The following DISC1 variants were observed in gnomAD, a reference collection of about 807,000 sequenced individuals.
DISC1 encodes the protein DISC1 scaffold protein, also known as disrupted in schizophrenia 1 protein.
A neutral mutation model predicts 84.5 loss-of-function variants in DISC1; 57 were observed. The ratio of observed to expected loss-of-function variants is 0.67; its 90% CI spans 0.55 to 0.84. The LOEUF (loss-of-function observed/expected upper bound fraction) is 0.84. Ranked by LOEUF, DISC1 falls within the 40% of genes least tolerant of loss-of-function variation. The pLI is 0.00. For missense variants in DISC1, 1,000 were observed against 1,057.8 expected (o/e 0.95, Z 0.76); for synonymous variants, 411 against 415.2 (o/e 0.99, Z 0.12).
intron 10 of DISC1, among the ~76,000 whole-genome samples, chr1:232,000,151 G>A (rs1272724475): frequency 6.6e-6 from 1 of 152,170 alleles, no homozygotes; most frequent in East Asian, 1.9e-4. Flanking sequence ...TGAATCAGAT[G>A]TTGGAATTAT....
intron 3 of DISC1, among the ~76,000 whole-genome samples, chr1:231,729,803 A>G (rs2071275392): frequency 6.6e-6 from 1 of 151,296 alleles, no homozygotes; most frequent in South Asian, 2.1e-4. Context: ...TTAGCCAGAG[A>G]CCAATTTTGT....
intron 1 of DISC1, among the ~76,000 whole-genome samples, chr1:231,673,231 T>C (rs200465246): frequency 6.6e-6 from 1 of 152,242 alleles, no homozygotes; most frequent in African/African-American, 2.4e-5. Context: ...CTCCAACATA[T>C]CTTCCACTCC....
intron 8 of DISC1, among the ~76,000 whole-genome samples, chr1:231,812,103 T>C (rs2080361106): frequency 6.6e-6 from 1 of 152,166 alleles, no homozygotes; most frequent in East Asian, 1.9e-4. Flanking sequence ...TTGCTCAGGC[T>C]ACAGTGCAGT....
intron 2 of DISC1, among the ~76,000 whole-genome samples, chr1:231,695,044 G>T (rs1292716097): frequency 1.3e-5 from 2 of 152,186 alleles, no homozygotes; most frequent in Admixed American, 1.3e-4. Flanking sequence ...CTCTCCATTG[G>T]GCCGCAGGCT....
At chr1:231,802,390 C>G (rs533600203) in intron 8 of DISC1, among the ~76,000 whole-genome samples, 4 of 152,098 alleles carry the variant, frequency 2.6e-5, no homozygotes, top group African/African-American at 9.7e-5. Flanking sequence ...CTTGCTTTCC[C>G]CTTGCCTTCC....
chr1:231,646,733 C>T (rs558560946), intron 1 of DISC1, among the ~76,000 whole-genome samples: 15 of 152,298 alleles, frequency 9.8e-5, no homozygotes, highest in African/African-American at 3.6e-4. Context: ...TGTTTCCTGA[C>T]TTTTTAATGA....
At chr1:231,953,769 C>T (rs926343458) in intron 9 of DISC1, among the ~76,000 whole-genome samples, 2 of 152,136 alleles carry the variant, frequency 1.3e-5, no homozygotes, top group Non-Finnish European at 2.9e-5. Flanking sequence ...CAAACTTTGC[C>T]ATTAATGCTA....
intron 11 of DISC1, among the ~76,000 whole-genome samples, chr1:232,025,698 G>A (rs527481656): frequency 5.3e-5 from 8 of 150,756 alleles, no homozygotes; most frequent in East Asian, 2.0e-4. Context: ...CTGGGTTCAC[G>A]CCATTCTCCT....
chr1:231,819,126 C>T (rs11588937), intron 9 of DISC1: 316,306 of 985,540 alleles, frequency 0.32, 51,787 homozygotes, highest in Admixed American at 0.35. Flanking sequence ...TCTCAGAAGA[C>T]GCTGGTTCAG....
rs548730413 is a variant in DISC1 at position 231,699,424 on chromosome 1, GA to G, written c.1048-2522del. On this transcript the variant is annotated intron_variant, in intron 2 of 12. Transcript: ENST00000439617. ...AGTACTCCATTCTTCCAGTGGGTCA[GA>G]AAAAAAAACCCAAAAAACAAAAAAC... 9.0e-3 allele frequency among the ~76,000 whole-genome samples: 1,350 copies of G among 150,766 alleles called. 28 individuals carry two copies. Among genetic ancestry groups the G allele is most frequent in the African/African-American group, 0.03 (1,220 of 41,130 alleles).
At chr1:231,927,569 C>T (rs985534206) in intron 9 of DISC1, among the ~76,000 whole-genome samples, 6 of 152,200 alleles carry the variant, frequency 3.9e-5, no homozygotes, top group African/African-American at 1.2e-4. Context: ...ACCTGCCTAC[C>T]TTGCCAACAT....
intron 10 of DISC1, among the ~76,000 whole-genome samples, chr1:231,977,902 T>C (rs1663039361): frequency 1.3e-5 from 2 of 152,250 alleles, no homozygotes; most frequent in Admixed American, 6.5e-5. Context: ...AATTGTCTCA[T>C]AATTTTATTT....
At position 232,038,225 on chromosome 1, in the gene DISC1, G is replaced by A. The variant is rs571919139; in HGVS notation, c.*1394G>A. The A allele has an allele frequency of 6.6e-6, 1 of 151,704 alleles. No homozygotes were observed. Among genetic ancestry groups the A allele is most frequent in the South Asian group, 2.1e-4 (1 of 4,794 alleles). 9.4% of individuals were successfully genotyped at this position (151,704 alleles called of 1,614,324 possible). ...CTATAAGTACTGAGTACTTATATAG[G>A]CAATGTAGTACTCAGTAAATCAGTG... is the stretch of plus-strand genomic sequence containing the variant. On this transcript the variant is annotated 3_prime_UTR_variant, in exon 13 of 13. Transcript: ENST00000439617.
intron 9 of DISC1, among the ~76,000 whole-genome samples, chr1:231,835,316 G>A (rs533535744): frequency 3.9e-4 from 60 of 152,288 alleles, no homozygotes; most frequent in African/African-American, 1.2e-3. Flanking sequence ...GGGTGCAAGC[G>A]GGCTGAGTCC....
chr1:231,670,665 C>T (rs2062526836), intron 1 of DISC1: 1 of 152,156 alleles, frequency 6.6e-6, no homozygotes, highest in Admixed American at 6.5e-5. Flanking sequence ...TCATATAAAT[C>T]TTGTGACTTT....
chr1:231,886,773 T>TCC (rs2086742153), intron 9 of DISC1, among the ~76,000 whole-genome samples: 1 of 53,036 alleles, frequency 1.9e-5, no homozygotes, highest in Non-Finnish European at 4.3e-5. Flanking sequence ...CTTCCTTTCT[T>TCC]TCTTTCTTTC....
chr1:231,721,238 G>A (rs1392064693), intron 3 of DISC1, among the ~76,000 whole-genome samples: 1 of 152,110 alleles, frequency 6.6e-6, no homozygotes, highest in Non-Finnish European at 1.5e-5. Context: ...GCTGTCCCTG[G>A]TTGGAGTATT....
At chr1:231,646,319 C>A (rs942889957) in intron 1 of DISC1, among the ~76,000 whole-genome samples, 6 of 152,012 alleles carry the variant, frequency 3.9e-5, no homozygotes, top group Non-Finnish European at 7.4e-5. Flanking sequence ...CATGTCCCTA[C>A]AAAGGACATG....
intron 9 of DISC1, among the ~76,000 whole-genome samples, chr1:231,952,693 A>ATATATATATATATATG (rs1658670967): frequency 1.1e-5 from 1 of 92,092 alleles, no homozygotes; most frequent in African/African-American, 3.8e-5. Flanking sequence ...ATATATGTTT[A>ATATATATATATATATG]TATATATATA....
Sources: allele counts gnomAD v4.1 joint callset (sites outside exome capture counted in the v4.1 genomes callset), GRCh38; gene constraint gnomAD v4.1.1; transcripts MANE v1.5; gene names NCBI Gene and HGNC (gene_info 2026-07-23, HGNC 2026-07-21).